The following SERGEF variants were observed in gnomAD, a reference collection of about 807,000 sequenced individuals.
The protein encoded by SERGEF is secretion regulating guanine nucleotide exchange factor, also known as secretion-regulating guanine nucleotide exchange factor.
A neutral mutation model predicts 50.0 loss-of-function variants in SERGEF; 51 were observed. That is an observed-to-expected ratio of 1.02 (90% confidence interval 0.81 to 1.29). SERGEF has a LOEUF of 1.29. Ranked by LOEUF, SERGEF falls within the 50% of genes most tolerant of loss-of-function variation. The pLI is 0.00. For missense variants in SERGEF, 521 were observed against 557.0 expected (o/e 0.94, Z 0.65); for synonymous variants, 205 against 212.4 (o/e 0.97, Z 0.30).
At chr11:17,875,245 T>C (rs1355988672) in intron 10 of SERGEF, among the ~76,000 whole-genome samples, 1 of 152,236 alleles carries the variant, frequency 6.6e-6, no homozygotes, top group East Asian at 1.9e-4. Flanking sequence ...TATTTATTGC[T>C]GTAACCGTAG....
At chr11:17,798,398 A>C (rs1358919709) in intron 10 of SERGEF, among the ~76,000 whole-genome samples, 1 of 152,250 alleles carries the variant, frequency 6.6e-6, no homozygotes, top group Non-Finnish European at 1.5e-5. Flanking sequence ...TCAACACTGC[A>C]TGGAAGAGAA....
At chr11:17,950,187 C>T (rs193067312) in intron 9 of SERGEF, among the ~76,000 whole-genome samples, 3 of 152,298 alleles carry the variant, frequency 2.0e-5, no homozygotes, top group Admixed American at 6.5e-5. Context: ...ATCATTTGCT[C>T]AGCACCTGCT....
At chr11:17,966,157 A>T (rs1565217462) in intron 8 of SERGEF, among the ~76,000 whole-genome samples, 1 of 150,748 alleles carries the variant, frequency 6.6e-6, no homozygotes, top group African/African-American at 2.4e-5. Flanking sequence ...TGGAATTTTG[A>T]TTTTTTTTTT....
chr11:17,976,252 CA>C (rs1330101243), intron 8 of SERGEF, among the ~76,000 whole-genome samples: 1 of 152,056 alleles, frequency 6.6e-6, no homozygotes, highest in Non-Finnish European at 1.5e-5. Flanking sequence ...CCTTGGCTCA[CA>C]TTGAGAGCAC....
chr11:17,873,661 T>TGAGGA (rs1565191643), intron 10 of SERGEF, among the ~76,000 whole-genome samples: 1 of 148,146 alleles, frequency 6.8e-6, no homozygotes. Flanking sequence ...TGGCTCTGCT[T>TGAGGA]GGAGGAGGAG....
At chr11:17,932,059 A>G (rs879772575) in intron 9 of SERGEF, among the ~76,000 whole-genome samples, 1 of 48,588 alleles carries the variant, frequency 2.1e-5, no homozygotes, top group East Asian at 1.1e-3. Context: ...GTGTTTTGGA[A>G]AAAAAAACAG....
chr11:17,960,901 T>G (rs553404965), intron 8 of SERGEF, among the ~76,000 whole-genome samples: 6 of 152,258 alleles, frequency 3.9e-5, no homozygotes, highest in African/African-American at 1.4e-4. Context: ...GAGCTGGGAG[T>G]AGGTCCATTC....
intron 1 of SERGEF, 127 bp downstream of exon 1, chr11:18,012,824 T>G: frequency 3.4e-6 from 5 of 1,458,378 alleles, no homozygotes; most frequent in Non-Finnish European, 4.5e-6. Flanking sequence ...CAGCCCAGGA[T>G]CCTTCAACCC....
rs184121918 is a variant in SERGEF, at chr11:17,950,192, C to T, written c.1011+9278G>A. ...CCCTATAACAATCATTTGCTCAGCA[C>T]CTGCTGTGTGCTGGGTGCTATGCAA... On this transcript the variant is annotated intron_variant, in intron 9 of 10. Transcript: ENST00000265965. Among the ~76,000 whole-genome samples the T allele has an allele frequency of 2.5e-3, 382 of 152,302 alleles. 8 individuals are homozygous for T. The highest frequency in any genetic ancestry group is 1.3e-3 in the Non-Finnish European group (89 of 68,022).
chr11:17,967,025 A>G (rs1475169354), intron 8 of SERGEF, among the ~76,000 whole-genome samples: 1 of 152,254 alleles, frequency 6.6e-6, no homozygotes, highest in Admixed American at 6.5e-5. Flanking sequence ...CACAGCTGCA[A>G]TAATAACAAT....
intron 9 of SERGEF, among the ~76,000 whole-genome samples, chr11:17,909,712 G>T (rs1851913046): frequency 6.6e-6 from 1 of 152,174 alleles, no homozygotes; most frequent in South Asian, 2.1e-4. Context: ...GATCATCCTG[G>T]ATATATCTCT....
rs950813518 is a variant in SERGEF, at chr11:17,795,796, C to T, written c.1049-7383G>A. ...ATTTTGTGCCCTCAGGGTCCCCATC[C>T]ACTGAGGAAGACAGCCATGGGAAAA... On this transcript the variant is annotated intron_variant, in intron 10 of 10. Coordinates refer to ENST00000265965, the MANE Select transcript of SERGEF (RefSeq NM_012139.4). Among the ~76,000 whole-genome samples the T allele has an allele frequency of 3.3e-5, 5 of 152,324 alleles. No homozygotes were observed. In the East Asian group the frequency reaches 7.7e-4, roughly 24 times the overall value.
At chr11:17,795,392 G>A (rs1381285578) in intron 10 of SERGEF, among the ~76,000 whole-genome samples, 1 of 152,152 alleles carries the variant, frequency 6.6e-6, no homozygotes, top group Non-Finnish European at 1.5e-5. Context: ...ACAGCAGGAT[G>A]GAAAAAGGGG....
At chr11:17,829,904 CTGAGA>C (rs910519007) in intron 10 of SERGEF, among the ~76,000 whole-genome samples, 4 of 152,156 alleles carry the variant, frequency 2.6e-5, no homozygotes, top group African/African-American at 9.7e-5. Flanking sequence ...CATTGAGTTC[CTGAGA>C]TTAGTTTGAT....
rs566278223 is a variant in SERGEF at position 17,804,016 on chromosome 11, T to C, written c.1049-15603A>G. 2.6e-5 allele frequency among the ~76,000 whole-genome samples: 4 copies of C among 152,316 alleles called. No homozygotes were observed. The South Asian group carries it at 8.3e-4, about 32-fold the overall frequency. On this transcript the variant is annotated intron_variant, in intron 10 of 10. Coordinates refer to ENST00000265965, the MANE Select transcript of SERGEF (RefSeq NM_012139.4). ...ACCGGGGGAAGGGCAGTGGAAGAGG[T>C]ACCCAAGGATCAGACACCTAGTGGG...
intron 2 of SERGEF, among the ~76,000 whole-genome samples, chr11:18,007,625 C>T (rs755490589): frequency 3.3e-5 from 5 of 151,974 alleles, no homozygotes; most frequent in African/African-American, 4.8e-5. Flanking sequence ...CTTCTAATTC[C>T]TATGGTGTAA....
At chr11:17,869,115 T>A (rs1219720060) in intron 10 of SERGEF, among the ~76,000 whole-genome samples, 1 of 152,116 alleles carries the variant, frequency 6.6e-6, no homozygotes, top group Non-Finnish European at 1.5e-5. Flanking sequence ...AGGCAATGCA[T>A]GACCATACTA....
At chr11:17,974,022 T>A (rs916173400) in intron 8 of SERGEF, among the ~76,000 whole-genome samples, 1 of 152,176 alleles carries the variant, frequency 6.6e-6, no homozygotes, top group Non-Finnish European at 1.5e-5. Context: ...TAAAGTCCAC[T>A]GTCAAGGCTA....
At chr11:17,875,666 T>C (rs1481456107) in intron 10 of SERGEF, among the ~76,000 whole-genome samples, 1 of 152,156 alleles carries the variant, frequency 6.6e-6, no homozygotes, top group Admixed American at 6.5e-5. Context: ...CTTTGAGGAG[T>C]TGTGTCCACT....
Sources: allele counts gnomAD v4.1 joint callset (sites outside exome capture counted in the v4.1 genomes callset), GRCh38; gene constraint gnomAD v4.1.1; transcripts MANE v1.5; gene names NCBI Gene and HGNC (gene_info 2026-07-23, HGNC 2026-07-21).